The following ARFGEF3 variants were observed in gnomAD, a reference collection of about 807,000 sequenced individuals.
The protein encoded by ARFGEF3 is brefeldin A-inhibited guanine nucleotide-exchange protein 3.
In ARFGEF3, 96 loss-of-function variants were observed where a neutral mutation model predicts 221.7. The ratio of observed to expected loss-of-function variants is 0.43; its 90% CI spans 0.37 to 0.51. The LOEUF is 0.51. Ranked by LOEUF, ARFGEF3 falls within the 20% of genes least tolerant of loss-of-function variation. The probability of loss-of-function intolerance (pLI) is 0.00; values close to 1 mark genes in which losing one functional copy is unlikely to be tolerated. For synonymous variants in ARFGEF3, 1,145 were observed against 1,126.8 expected, an observed-to-expected ratio of 1.02 and a Z score of -0.32; for missense variants, 2,410 against 2,789.9, an observed-to-expected ratio of 0.86 and a Z score of 3.07.
chr6:138,245,245 TG>T (rs1778464281), intron 7 of ARFGEF3, among the ~76,000 whole-genome samples: 1 of 152,166 alleles, frequency 6.6e-6, no homozygotes, highest in East Asian at 1.9e-4. Flanking sequence ...GAGGTTGCAG[TG>T]AGCCAAGATT....
At chr6:138,173,657 T>C (rs1476201932) in intron 2 of ARFGEF3, among the ~76,000 whole-genome samples, 2 of 152,182 alleles carry the variant, frequency 1.3e-5, no homozygotes, top group African/African-American at 4.8e-5. Flanking sequence ...GGAGAGAATA[T>C]GGTTTCAATG....
intron 2 of ARFGEF3, among the ~76,000 whole-genome samples, chr6:138,173,191 G>A (rs557737176): frequency 1.4e-3 from 214 of 151,890 alleles, no homozygotes; most frequent in African/African-American, 4.5e-3. Flanking sequence ...ACTTGCTGTC[G>A]TATTCACAAG....
chr6:138,221,516 G>A (rs1777982226), intron 4 of ARFGEF3, among the ~76,000 whole-genome samples: 1 of 152,218 alleles, frequency 6.6e-6, no homozygotes. Flanking sequence ...TGGGGAAAAT[G>A]TTGACTCTAG....
chr6:138,272,472 A>G (rs530210804), intron 12 of ARFGEF3, among the ~76,000 whole-genome samples: 1 of 152,306 alleles, frequency 6.6e-6, no homozygotes, highest in African/African-American at 2.4e-5. Flanking sequence ...AGCCATTTAC[A>G]ATGATGTTTT....
At chr6:138,213,287 CAAAAAAA>C (rs36044450) in intron 4 of ARFGEF3, among the ~76,000 whole-genome samples, 1 of 90,404 alleles carries the variant, frequency 1.1e-5, no homozygotes, top group Non-Finnish European at 2.5e-5. Flanking sequence ...GACTCCATCT[CAAAAAAA>C]AAAAAAAAAA....
At chr6:138,223,339 A>C (rs1307905943) in intron 4 of ARFGEF3, among the ~76,000 whole-genome samples, 1 of 152,226 alleles carries the variant, frequency 6.6e-6, no homozygotes, top group Non-Finnish European at 1.5e-5. Flanking sequence ...AGAGGCCAGA[A>C]GGAAATGTGT....
chr6:138,247,527 A>G (rs1325232295), intron 8 of ARFGEF3, among the ~76,000 whole-genome samples: 2 of 152,206 alleles, frequency 1.3e-5, no homozygotes. Context: ...GACAGCTGGT[A>G]TAGCAGAGTT....
At chr6:138,218,236 G>A (rs373323732) in intron 4 of ARFGEF3, 137 of 1,612,816 alleles carry the variant, frequency 8.5e-5, no homozygotes, top group Non-Finnish European at 1.0e-4. Flanking sequence ...TCTTTTTTTC[G>A]AAATACCTTG....
chr6:138,277,971 GT>G (rs1167219064), intron 12 of ARFGEF3, among the ~76,000 whole-genome samples: 1 of 152,184 alleles, frequency 6.6e-6, no homozygotes, highest in African/African-American at 2.4e-5. Flanking sequence ...CATTCTAGGA[GT>G]GACAAAAACA....
chr6:138,242,886 T>C, intron 6 of ARFGEF3, 66 bp from the exon 7 acceptor site: 2 of 1,414,808 alleles, frequency 1.4e-6, no homozygotes, highest in South Asian at 2.4e-5. Flanking sequence ...AATTTTCCCA[T>C]TGTCAAAGAG....
chr6:138,259,893 G>A (rs2114585116), intron 10 of ARFGEF3, among the ~76,000 whole-genome samples: 1 of 152,070 alleles, frequency 6.6e-6, no homozygotes. Flanking sequence ...CAGTCTGGGT[G>A]ACAGAGCGAG....
At chr6:138,223,365 T>G (rs1483901174) in intron 4 of ARFGEF3, among the ~76,000 whole-genome samples, 1 of 152,192 alleles carries the variant, frequency 6.6e-6, no homozygotes, top group African/African-American at 2.4e-5. Flanking sequence ...GCAACAAAGC[T>G]AAATTCTCAG....
At chr6:138,284,971 G>A (rs77493449) in intron 14 of ARFGEF3, among the ~76,000 whole-genome samples, 5,711 of 152,168 alleles carry the variant, frequency 0.038, 145 homozygotes, top group Non-Finnish European at 0.056. Context: ...ACATAGAAAA[G>A]GTGCAATAAA....
chr6:138,278,727 C>A, intron 13 of ARFGEF3, 110 bp downstream of exon 13: 1 of 1,198,230 alleles, frequency 8.3e-7, no homozygotes, highest in Non-Finnish European at 1.2e-6. Flanking sequence ...TTGTTCCAGA[C>A]TGCTCTAGGT....
chr6:138,209,646 C>T (rs142722983), intron 3 of ARFGEF3, among the ~76,000 whole-genome samples: 2,084 of 152,242 alleles, frequency 0.014, 51 homozygotes, highest in African/African-American at 0.047. Flanking sequence ...AACGGAGTTT[C>T]ACCATGTTGG....
chr6:138,294,228 A>ATTGC, intron 20 of ARFGEF3, 102 bp downstream of exon 20: 1 of 1,247,276 alleles, frequency 8.0e-7, no homozygotes, highest in African/African-American at 1.5e-5. Flanking sequence ...CCACATTCCC[A>ATTGC]TTGCTTACAC....
At chr6:138,241,236 A>G (rs1367814292) in intron 6 of ARFGEF3, among the ~76,000 whole-genome samples, 1 of 152,174 alleles carries the variant, frequency 6.6e-6, no homozygotes, top group African/African-American at 2.4e-5. Flanking sequence ...TTGATTCCAC[A>G]CTGATAAAGT....
chr6:138,263,414 C>T lies in ARFGEF3; in HGVS notation c.1931C>T (p.Pro644Leu), dbSNP rs750865090. The change falls in exon 12 of 34, where the codon CCC becomes CTC. Residue 644 changes from proline to leucine, a missense_variant. Coordinates refer to ENST00000251691, the MANE Select transcript of ARFGEF3 (RefSeq NM_020340.5). ...NCSLADEEQT[P>L]RDCLGHRSLR... ...TCACTAGCCGATGAAGAGCAGACAC[C>T]CCGGGACTGCCTAGGCCACCGGTCC... 6.2e-7 allele frequency: 1 copy of T among 1,613,832 alleles called. No homozygotes were observed.
chr6:138,312,959 C>T (rs1779857049), intron 25 of ARFGEF3, among the ~76,000 whole-genome samples: 1 of 152,226 alleles, frequency 6.6e-6, no homozygotes, highest in Non-Finnish European at 1.5e-5. Context: ...ATCCGCCAGC[C>T]TCGGCCTCCC....
Sources: gnomAD v4.1 joint callset for allele counts (sites outside exome capture counted in the v4.1 genomes callset) on GRCh38, gnomAD v4.1.1 for gene constraint, MANE v1.5 for transcripts, NCBI Gene and HGNC (gene_info 2026-07-23, HGNC 2026-07-21) for gene names.